The following MGAT4D variants were observed in gnomAD, a reference collection of about 807,000 sequenced individuals.
The protein encoded by MGAT4D is alpha-1,3-mannosyl-glycoprotein 4-beta-N-acetylglucosaminyltransferase-like protein MGAT4D.
In MGAT4D, 34 loss-of-function variants were observed where a neutral mutation model predicts 15.9. That is an observed-to-expected ratio of 2.14 (90% confidence interval 1.62 to 2.84). The LOEUF is 2.84. Among genes scored for constraint, MGAT4D ranks in the 30% most tolerant of loss-of-function variants. The probability of loss-of-function intolerance (pLI) is 0.00; values close to 1 mark genes in which losing one functional copy is unlikely to be tolerated. For synonymous variants in MGAT4D, 112 were observed against 48.2 expected (o/e 2.33, Z -5.49); for missense variants, 327 against 140.2 (o/e 2.33, Z -6.73).
chr4:140,449,988 TTAA>T (rs1730373031), intron 10 of MGAT4D: 2 of 251,768 alleles, frequency 7.9e-6, no homozygotes, highest in South Asian at 3.2e-4. Context: ...TATTGAAGGA[TTAA>T]TATTTTAAAA....
At chr4:140,446,909 G>C (rs1334543009) in intron 10 of MGAT4D, among the ~76,000 whole-genome samples, 1 of 151,320 alleles carries the variant, frequency 6.6e-6, no homozygotes, top group African/African-American at 2.4e-5. Flanking sequence ...TTTTACCTTT[G>C]TCCTCATTAG....
At chr4:140,468,341 G>T (rs1045019279) in intron 5 of MGAT4D, among the ~76,000 whole-genome samples, 1 of 152,028 alleles carries the variant, frequency 6.6e-6, no homozygotes, top group Non-Finnish European at 1.5e-5. Context: ...TGAAAATTTT[G>T]TAGCAAATCA....
chr4:140,476,827 C>A (rs555051140), intron 3 of MGAT4D, among the ~76,000 whole-genome samples: 23 of 152,206 alleles, frequency 1.5e-4, no homozygotes, highest in African/African-American at 5.3e-4. Flanking sequence ...AATCCTTTCA[C>A]CAGCTATGAA....
chr4:140,484,197 C>T (rs911115089), intron 1 of MGAT4D, among the ~76,000 whole-genome samples: 4 of 151,822 alleles, frequency 2.6e-5, no homozygotes, highest in Admixed American at 6.6e-5. Context: ...ATAAGAAACT[C>T]AAACAATAGC....
chr4:140,483,967 A>G (rs1381565562), intron 1 of MGAT4D, among the ~76,000 whole-genome samples: 1 of 152,216 alleles, frequency 6.6e-6, no homozygotes, highest in Non-Finnish European at 1.5e-5. Flanking sequence ...TTTTTCAGAT[A>G]TGACTCCAAA....
At chr4:140,468,389 G>T (rs1279413056) in intron 5 of MGAT4D, among the ~76,000 whole-genome samples, 1 of 152,100 alleles carries the variant, frequency 6.6e-6, no homozygotes, top group Non-Finnish European at 1.5e-5. Flanking sequence ...TTTTATTGGA[G>T]ATCTTTACAA....
At chr4:140,469,454 T>A (rs1242254000) in intron 5 of MGAT4D, among the ~76,000 whole-genome samples, 4 of 152,200 alleles carry the variant, frequency 2.6e-5, no homozygotes, top group African/African-American at 9.6e-5. Context: ...TTTTCAAATG[T>A]CCCCAGTCGT....
Position 140,443,192 on chromosome 4 carries a change from T to A in MGAT4D, c.*244A>T, listed in dbSNP as rs543086457. The A allele has an allele frequency of 2.8e-4, 61 of 218,722 alleles. No homozygotes were observed. In the East Asian group the frequency reaches 6.2e-3, roughly 22 times the overall value. The allele number at this position is 218,722 out of a possible 1,614,324, so 13.5% of individuals were successfully genotyped here. On this transcript the variant is annotated 3_prime_UTR_variant, in exon 11 of 11. Transcript: ENST00000511113. ...AGTCAATAAAGTGCAGTTCTTAATTTAAAAAAAACTTCCTTGCCTTTAGTA... is the reference window on the plus strand; with the variant it reads ...AGTCAATAAAGTGCAGTTCTTAATTAAAAAAAAACTTCCTTGCCTTTAGTA...
chr4:140,481,267 G>T (rs1248087575), intron 2 of MGAT4D, among the ~76,000 whole-genome samples: 2 of 152,088 alleles, frequency 1.3e-5, no homozygotes, highest in Admixed American at 1.3e-4. Context: ...TTGCACCATT[G>T]CCCTCTAGCT....
In MGAT4D at chr4:140,443,147, T is replaced by C. The variant is rs73856603; in HGVS notation, c.*289A>G. ...AACTTTTAACTGTTTATTGAGATTA[T>C]GTGATGGTCTCACTATCGAAGTCAA... On this transcript the variant is annotated 3_prime_UTR_variant, in exon 11 of 11. Coordinates refer to ENST00000511113, the MANE Select transcript of MGAT4D (RefSeq NM_001277353.2). 1.1e-3 allele frequency: 199 copies of C among 178,110 alleles called. No homozygotes were observed. The highest frequency in any genetic ancestry group is 4.3e-3 in the African/African-American group (186 of 42,846). The allele number at this position is 178,110 out of a possible 1,614,324, so 11.0% of individuals were successfully genotyped here. A position where few individuals can be genotyped will look rare whatever the true frequency, so the allele number is the denominator to read the frequency against.
At chr4:140,468,541 T>C (rs1731700565) in intron 5 of MGAT4D, among the ~76,000 whole-genome samples, 1 of 152,198 alleles carries the variant, frequency 6.6e-6, no homozygotes, top group African/African-American at 2.4e-5. Context: ...CAAACTAGCA[T>C]AGATTGAAGC....
At chr4:140,467,983 A>C (rs968307644) in intron 5 of MGAT4D, among the ~76,000 whole-genome samples, 4 of 151,996 alleles carry the variant, frequency 2.6e-5, no homozygotes, top group Non-Finnish European at 4.4e-5. Context: ...AATAGGCAAA[A>C]GTTTAGACAT....
chr4:140,488,047 T>C (rs1733258261), intron 1 of MGAT4D, among the ~76,000 whole-genome samples: 1 of 152,212 alleles, frequency 6.6e-6, no homozygotes, highest in Non-Finnish European at 1.5e-5. Flanking sequence ...CTCTTTATCA[T>C]CATTGATACT....
intron 10 of MGAT4D, among the ~76,000 whole-genome samples, chr4:140,449,256 C>A (rs985586986): frequency 2.0e-5 from 3 of 151,922 alleles, no homozygotes; most frequent in African/African-American, 7.3e-5. Flanking sequence ...TTATCATAGA[C>A]ATAGAATATG....
chr4:140,479,170 C>T (rs887183477), intron 3 of MGAT4D, among the ~76,000 whole-genome samples: 11 of 152,092 alleles, frequency 7.2e-5, no homozygotes, highest in African/African-American at 2.7e-4. Flanking sequence ...GTAAAATAAC[C>T]AGGTAAGAAT....
intron 1 of MGAT4D, among the ~76,000 whole-genome samples, chr4:140,490,840 C>T (rs894070017): frequency 5.3e-5 from 8 of 152,176 alleles, no homozygotes; most frequent in African/African-American, 1.9e-4. Context: ...AAATATGTCT[C>T]TTTTAGTAAC....
At chr4:140,458,059 C>G (rs61239048) in intron 8 of MGAT4D, 42 of 152,238 alleles carry the variant, frequency 2.8e-4, no homozygotes, top group African/African-American at 9.6e-4. Flanking sequence ...TATGGGGAAG[C>G]ACGAACTTTT....
chr4:140,482,227 C>G, intron 2 of MGAT4D, 100 bp downstream of exon 2: 2 of 536,064 alleles, frequency 3.7e-6, no homozygotes, highest in South Asian at 5.2e-5. Flanking sequence ...AGAACCAGTA[C>G]TGATATAGTT....
At position 140,457,351 on chromosome 4, in the gene MGAT4D, T is replaced by G. The variant is rs575634704; in HGVS notation, c.878-632A>C. ...TTCAAAGTAAATAATGTAAAATACA[T>G]CTAATGATTTGATAAATATGAAAGT... On this transcript the variant is annotated intron_variant, in intron 8 of 10. Transcript: ENST00000511113. 8.5e-5 allele frequency: 13 copies of G among 152,258 alleles called. No homozygotes were observed. The East Asian group carries it at 2.5e-3, about 29-fold the overall frequency. The allele number at this position is 152,258 out of a possible 1,614,324, so 9.4% of individuals were successfully genotyped here.
Sources: allele counts gnomAD v4.1 joint callset (sites outside exome capture counted in the v4.1 genomes callset), GRCh38; gene constraint gnomAD v4.1.1; transcripts MANE v1.5; gene names NCBI Gene and HGNC (gene_info 2026-07-23, HGNC 2026-07-21).